C4orf36: variants seen among roughly 807,000 people sequenced by gnomAD.
The protein encoded by C4orf36 is chromosome 4 open reading frame 36.
Under a neutral mutation model 12.2 loss-of-function variants are expected in C4orf36, and 11 were observed. The ratio of observed to expected loss-of-function variants is 0.90; its 90% confidence interval spans 0.57 to 1.49. C4orf36 has a LOEUF of 1.49. Among genes scored for constraint, C4orf36 ranks in the 40% most tolerant of loss-of-function variants. The pLI is 0.00. For missense variants in C4orf36, 137 were observed against 133.9 expected (o/e 1.02, Z -0.11); for synonymous variants, 54 against 51.3 (o/e 1.05, Z -0.22).
At chr4:86,927,746 C>A in the C4orf36 span, among the ~76,000 whole-genome samples, 2 of 151,712 alleles carry the variant, frequency 1.3e-5, no homozygotes, top group Non-Finnish European at 1.5e-5. Flanking sequence ...TTGCAGTGTG[C>A]CGAGATCACG....
the C4orf36 span, chr4:86,913,473 A>T: frequency 3.9e-6 from 3 of 770,244 alleles, no homozygotes; most frequent in African/African-American, 5.1e-5. Context: ...CATGACAGAC[A>T]TGTTGCGTTG....
At chr4:86,914,707 T>C in the C4orf36 span, 3 of 398,228 alleles carry the variant, frequency 7.5e-6, no homozygotes, top group South Asian at 6.5e-5. Flanking sequence ...GGCTCCGTTC[T>C]TCTTATAGAT....
At chr4:86,887,929 AT>A in intron 3 of C4orf36, 36 bp from the exon 4 acceptor site, 1 of 1,612,076 alleles carries the variant, frequency 6.2e-7, no homozygotes, top group Non-Finnish European at 8.5e-7. Flanking sequence ...TCTGACATAC[AT>A]TTTTCATCAG....
chr4:86,910,048 GAAAT>G, the C4orf36 span, among the ~76,000 whole-genome samples: 76 of 152,238 alleles, frequency 5.0e-4, no homozygotes, highest in African/African-American at 1.8e-3. Context: ...GGCAGAGACT[GAAAT>G]AAAGAAGTAG....
At chr4:86,885,315 T>A (rs1747149991) in intron 4 of C4orf36, among the ~76,000 whole-genome samples, 1 of 152,172 alleles carries the variant, frequency 6.6e-6, no homozygotes, top group Non-Finnish European at 1.5e-5. Context: ...CGATATTGAT[T>A]CTTCCTATCC....
rs775879430 is a variant in C4orf36, at chr4:86,891,546, T to C, written c.-26A>G. ...GGTGAGTTATTACGGTATGATTTCG[T>C]TACATAGGTGCCTGATGGAATGTCA... On this transcript the variant is annotated 5_prime_UTR_variant, in exon 2 of 5. The change abolishes the stop of an existing upstream ORF in the 5' untranslated region. Transcript: ENST00000295898. The C allele has an allele frequency of 6.2e-7, 1 of 1,614,028 alleles. No homozygotes were observed. Among genetic ancestry groups the C allele is most frequent in the South Asian group, 1.1e-5 (1 of 91,038 alleles).
upstream of C4orf36, among the ~76,000 whole-genome samples, chr4:86,894,926 G>A (rs1228444486): frequency 6.6e-6 from 1 of 152,150 alleles, no homozygotes; most frequent in Non-Finnish European, 1.5e-5. Context: ...CCCAGCTGAG[G>A]TCTTGACTTA....
chr4:86,931,448 G>T, the C4orf36 span, among the ~76,000 whole-genome samples: 2 of 152,024 alleles, frequency 1.3e-5, no homozygotes, highest in Admixed American at 6.6e-5. Context: ...ACCCAGGCTG[G>T]AGTGCAGTGG....
the C4orf36 span, among the ~76,000 whole-genome samples, chr4:86,908,168 TACACACACACACACAC>T: frequency 2.6e-3 from 363 of 140,956 alleles, 2 homozygotes; most frequent in Admixed American, 3.4e-3. Context: ...ACTTTCAACA[TACACACACACACACAC>T]ACACACACAC....
At chr4:86,932,166 G>A in the C4orf36 span, 1 of 151,908 alleles carries the variant, frequency 6.6e-6, no homozygotes, top group Non-Finnish European at 1.5e-5. Flanking sequence ...GACCAACATG[G>A]AGAAACACCC....
chr4:86,898,542 A>G, the C4orf36 span, among the ~76,000 whole-genome samples: 1 of 152,114 alleles, frequency 6.6e-6, no homozygotes, highest in African/African-American at 2.4e-5. Context: ...ATTTTTTTAA[A>G]TAAATAATTA....
At chr4:86,880,282 G>C (rs1747020864) in intron 4 of C4orf36, among the ~76,000 whole-genome samples, 2 of 152,148 alleles carry the variant, frequency 1.3e-5, no homozygotes, top group African/African-American at 4.8e-5. Context: ...AGACCAGCCT[G>C]ACCAACATGG....
chr4:86,926,920 C>T, the C4orf36 span, among the ~76,000 whole-genome samples: 2 of 152,334 alleles, frequency 1.3e-5, no homozygotes, highest in African/African-American at 4.8e-5. Context: ...TGGGAAACTA[C>T]AACCTAACAC....
At chr4:86,926,946 A>C in the C4orf36 span, among the ~76,000 whole-genome samples, 1 of 152,214 alleles carries the variant, frequency 6.6e-6, no homozygotes, top group African/African-American at 2.4e-5. Flanking sequence ...TTTGTAAATA[A>C]AGTTTTGTTG....
intron 2 of C4orf36, chr4:86,890,149 G>A (rs1447044161): frequency 2.3e-6 from 1 of 439,968 alleles, no homozygotes; most frequent in East Asian, 7.5e-5. Context: ...CTGCGTGACA[G>A]TGTGAGACCC....
At chr4:86,913,260 C>A in the C4orf36 span, 2 of 595,612 alleles carry the variant, frequency 3.4e-6, no homozygotes, top group Non-Finnish European at 6.4e-6. Flanking sequence ...AGCTTCACAT[C>A]CAGAGGCCCT....
At chr4:86,913,892 G>A in the C4orf36 span, 21 of 1,046,698 alleles carry the variant, frequency 2.0e-5, no homozygotes, top group Admixed American at 6.3e-5. Context: ...GCAGTGGCAC[G>A]ATCTCGGCTC....
chr4:86,912,320 C>T, the C4orf36 span, among the ~76,000 whole-genome samples: 1 of 152,196 alleles, frequency 6.6e-6, no homozygotes, highest in Non-Finnish European at 1.5e-5. Context: ...TGTGCCCAGC[C>T]GATTGTCTCT....
At chr4:86,913,591 T>C in the C4orf36 span, 1 of 1,338,208 alleles carries the variant, frequency 7.5e-7, no homozygotes. Flanking sequence ...CTCTGTTCTC[T>C]GAGACAAATG....
Sources: gnomAD v4.1 joint callset for allele counts (sites outside exome capture counted in the v4.1 genomes callset) on GRCh38, gnomAD v4.1.1 for gene constraint, MANE v1.5 for transcripts, NCBI Gene and HGNC (gene_info 2026-07-23, HGNC 2026-07-21) for gene names.